NHSL2: variants seen among roughly 807,000 people sequenced by gnomAD.
The protein encoded by NHSL2 is NHS-like protein 2.
In NHSL2, 27 loss-of-function variants were observed where a neutral mutation model predicts 53.4. The ratio of observed to expected loss-of-function variants is 0.51; its 90% CI spans 0.37 to 0.70. The LOEUF (loss-of-function observed/expected upper bound fraction) is 0.70, where lower values mean the gene tolerates loss of function less well. Among genes scored for constraint, NHSL2 ranks in the 30% least tolerant of loss-of-function variants. The probability of loss-of-function intolerance (pLI) is 0.00; values close to 1 mark genes in which losing one functional copy is unlikely to be tolerated. For synonymous variants in NHSL2, 408 were observed against 404.1 expected (o/e 1.01, Z -0.12); for missense variants, 892 against 980.1 (o/e 0.91, Z 1.20).
chrX:72,003,656 A>G (rs760947186), intron 1 of NHSL2, among the ~76,000 whole-genome samples: 2 of 112,133 alleles, frequency 1.8e-5, no homozygotes, highest in South Asian at 7.5e-4. Context: ...TATGTCCATA[A>G]CACCCTGAAT....
intron 1 of NHSL2, among the ~76,000 whole-genome samples, chrX:72,048,312 A>G (rs1464563733): frequency 1.8e-5 from 2 of 110,741 alleles, no homozygotes; most frequent in Non-Finnish European, 3.8e-5. Flanking sequence ...CTTGGGTTCA[A>G]GGAAAAGGTG....
chrX:72,025,506 T>C (rs73635606), intron 1 of NHSL2, among the ~76,000 whole-genome samples: 1,679 of 112,361 alleles, frequency 0.015, 22 homozygotes, highest in African/African-American at 0.051. Flanking sequence ...AGGGAAGCCT[T>C]GTCTACAGTC....
rs776658449 is a variant in NHSL2 at position 72,068,190 on chromosome X, A to G, written c.281-63889A>G. On this transcript the variant is annotated intron_variant, in intron 1 of 7. Coordinates refer to ENST00000633930, the MANE Select transcript of NHSL2 (RefSeq NM_001013627.3). ...GCACCTCTATCTCCCCAACGCTCAC[A>G]CAGAGCCTGGCCAGAGCAGATCCCT... Among the ~76,000 whole-genome samples the G allele has an allele frequency of 5.4e-5, 6 of 112,138 alleles. No homozygotes were observed. In the East Asian group the frequency reaches 1.4e-3, roughly 26 times the overall value.
chrX:72,141,769 G>A (rs1168308216), intron 6 of NHSL2, among the ~76,000 whole-genome samples: 1 of 111,946 alleles, frequency 8.9e-6, no homozygotes, highest in East Asian at 2.8e-4. Flanking sequence ...TGCAAATTTG[G>A]ACTTTCAATA....
chrX:72,071,543 C>T (rs768136723), intron 1 of NHSL2, among the ~76,000 whole-genome samples: 26 of 111,525 alleles, frequency 2.3e-4, no homozygotes, highest in Admixed American at 2.3e-3. Flanking sequence ...TCTGGCAGCA[C>T]GAGGAGGTGG....
intron 1 of NHSL2, among the ~76,000 whole-genome samples, chrX:72,027,081 G>T (rs1018026061): frequency 1.8e-5 from 2 of 112,080 alleles, no homozygotes; most frequent in African/African-American, 6.5e-5. Flanking sequence ...AGAAGAGACA[G>T]GATTCCCTGT....
chrX:72,013,711 T>C (rs754571001), intron 1 of NHSL2, among the ~76,000 whole-genome samples: 1 of 110,427 alleles, frequency 9.1e-6, no homozygotes, highest in Non-Finnish European at 1.9e-5. Flanking sequence ...CAGAAAAAAA[T>C]ATATATATAT....
intron 1 of NHSL2, among the ~76,000 whole-genome samples, chrX:72,014,937 G>C (rs753188497): frequency 3.5e-4 from 39 of 110,444 alleles, no homozygotes; most frequent in Non-Finnish European, 6.4e-4. Flanking sequence ...TAGCAAGGGT[G>C]AAAAGCTATG....
intron 1 of NHSL2, among the ~76,000 whole-genome samples, chrX:72,095,674 CA>C (rs2041938163): frequency 2.7e-5 from 3 of 111,672 alleles, no homozygotes; most frequent in Non-Finnish European, 5.6e-5. Flanking sequence ...CTCTCAACTC[CA>C]TGCCCTCCAC....
intron 1 of NHSL2, among the ~76,000 whole-genome samples, chrX:72,000,884 A>G (rs1378032315): frequency 8.9e-6 from 1 of 112,564 alleles, no homozygotes; most frequent in Non-Finnish European, 1.9e-5. Context: ...TTGTTATGTA[A>G]CTGAACACAT....
intron 1 of NHSL2, among the ~76,000 whole-genome samples, chrX:72,020,144 G>GA (rs765699730): frequency 3.6e-5 from 4 of 112,415 alleles, no homozygotes; most frequent in Non-Finnish European, 7.5e-5. Context: ...GGCTAATTGT[G>GA]AAAAAACAGG....
chrX:72,027,535 T>C (rs2042191980), intron 1 of NHSL2: 1 of 111,114 alleles, frequency 9.0e-6, no homozygotes, highest in Admixed American at 9.5e-5. Context: ...TTTCTCTCAT[T>C]TGCTCGTCTC....
At chrX:72,059,067 T>C (rs1213147104) in intron 1 of NHSL2, among the ~76,000 whole-genome samples, 1 of 111,491 alleles carries the variant, frequency 9.0e-6, no homozygotes, top group Non-Finnish European at 1.9e-5. Context: ...CTGGATCACA[T>C]ATCTTTACCA....
At chrX:72,102,794 C>A (rs2042005993) in intron 1 of NHSL2, among the ~76,000 whole-genome samples, 1 of 112,283 alleles carries the variant, frequency 8.9e-6, no homozygotes, top group Non-Finnish European at 1.9e-5. Flanking sequence ...CAATCGTGGG[C>A]TGCAGGCATT....
At chrX:71,942,319 G>A (rs1251153217) in intron 1 of NHSL2, among the ~76,000 whole-genome samples, 1 of 111,939 alleles carries the variant, frequency 8.9e-6, no homozygotes, top group Non-Finnish European at 1.9e-5. Context: ...CTTACAGCTT[G>A]ATACAGATGG....
chrX:72,068,055 C>T (rs756181224), intron 1 of NHSL2, among the ~76,000 whole-genome samples: 1 of 111,853 alleles, frequency 8.9e-6, no homozygotes, highest in African/African-American at 3.3e-5. Context: ...TATCTCTAGA[C>T]CTTCCAGACT....
intron 1 of NHSL2, among the ~76,000 whole-genome samples, chrX:72,039,358 TA>T (rs1186520360): frequency 2.7e-5 from 3 of 111,530 alleles, no homozygotes; most frequent in African/African-American, 9.8e-5. Context: ...CTATTCCATG[TA>T]ATGGCTGTAC....
At chrX:71,994,298 C>CTGTGTGTGTGTGTGTGTGTGTGTGTGTG (rs10673341) in intron 1 of NHSL2, among the ~76,000 whole-genome samples, 33 of 90,082 alleles carry the variant, frequency 3.7e-4, no homozygotes, top group African/African-American at 1.4e-3. Flanking sequence ...GAGGCTCCCT[C>CTGTGTGTGTGTGTGTGTGTGTGTGTGTG]TGTGTGTGTG....
At position 72,078,021 on chromosome X, in the gene NHSL2, C is replaced by T. The variant is rs768135905; in HGVS notation, c.281-54058C>T. 9.6e-4 allele frequency among the ~76,000 whole-genome samples: 108 copies of T among 112,789 alleles called. 2 individuals are homozygous for T. In the South Asian group the frequency reaches 0.037, roughly 39 times the overall value. On this transcript the variant is annotated intron_variant, in intron 1 of 7. Transcript: ENST00000633930. ...GAGTCAACATAGCAACTTTATGGCA[C>T]AGGTCCTTTTATTAGCTCCTAAAGG...
Sources: allele counts gnomAD v4.1 joint callset (sites outside exome capture counted in the v4.1 genomes callset), GRCh38; gene constraint gnomAD v4.1.1; transcripts MANE v1.5; gene names NCBI Gene and HGNC (gene_info 2026-07-23, HGNC 2026-07-21).